The following EMILIN2 variants were observed in gnomAD, a reference collection of about 807,000 sequenced individuals.
EMILIN2 encodes the protein elastin microfibril interfacer 2, also known as EMILIN-2.
In EMILIN2, 71 loss-of-function variants were observed where a neutral mutation model predicts 87.1. The observed-to-expected ratio is 0.82, with a 90% CI of 0.67 to 0.99. The LOEUF (loss-of-function observed/expected upper bound fraction) is 0.99, where lower values mean the gene tolerates loss of function less well. EMILIN2 is among the 50% of genes least tolerant of loss of function. The pLI is 0.00. For synonymous variants in EMILIN2, 581 were observed against 563.4 expected (o/e 1.03, Z -0.44); for missense variants, 1,407 against 1,371.8 (o/e 1.03, Z -0.40).
rs3810066 is a variant in EMILIN2 at position 2,892,203 on chromosome 18, G to T, written c.2076G>T (p.Thr692=). Residue 692 remains threonine (T), a synonymous_variant, in exon 4 of 8, where the codon ACG becomes ACT. Coordinates refer to ENST00000254528, the MANE Select transcript of EMILIN2 (RefSeq NM_032048.3). Reference sequence around the variant, plus strand: ...AGCTGGATGCTTGTAAGGAATGCACGCAGGGGGTCCAGAGGGAGGTCTCCA... The same window carrying T: ...AGCTGGATGCTTGTAAGGAATGCACTCAGGGGGTCCAGAGGGAGGTCTCCA... ...ISELDACKEC[T]QGVQREVSMV... 3.1e-6 allele frequency: 5 copies of T among 1,607,650 alleles called. No homozygotes were observed. In the Admixed American group the frequency reaches 6.7e-5, roughly 22 times the overall value.
chr18:2,846,462 G>T (rs1291161455), upstream of EMILIN2, among the ~76,000 whole-genome samples: 1 of 152,210 alleles, frequency 6.6e-6, no homozygotes, highest in African/African-American at 2.4e-5. This position sits in a 1 kb window ranked among gnomAD's most constrained non-coding sequence, Gnocchi z 5.3. Flanking sequence ...CGCCCCCCGC[G>T]TGGCCTCGGA....
chr18:2,912,431 C>T lies in EMILIN2; in HGVS notation c.2825-636C>T, dbSNP rs555371278. Among the ~76,000 whole-genome samples the T allele has an allele frequency of 3.1e-3, 476 of 152,290 alleles. 2 individuals are homozygous for T. The highest frequency in any genetic ancestry group is 5.0e-3 in the Non-Finnish European group (338 of 68,030). On this transcript the variant is annotated intron_variant, in intron 7 of 7. Transcript: ENST00000254528. ...AAGGTCCGATGTCTGCTGCGGAGCCCGTGAGTGATGGCCATTCCTGCCGGC... is the reference window on the plus strand; with the variant it reads ...AAGGTCCGATGTCTGCTGCGGAGCCTGTGAGTGATGGCCATTCCTGCCGGC...
intron 2 of EMILIN2, among the ~76,000 whole-genome samples, chr18:2,875,065 A>G (rs1176353829): frequency 1.3e-5 from 2 of 152,208 alleles, no homozygotes; most frequent in Non-Finnish European, 2.9e-5. Flanking sequence ...ACCTGGGAAG[A>G]GAAAGCACAG....
At chr18:2,870,289 T>C (rs937551880) in intron 2 of EMILIN2, among the ~76,000 whole-genome samples, 4 of 152,176 alleles carry the variant, frequency 2.6e-5, no homozygotes, top group Non-Finnish European at 4.4e-5. Flanking sequence ...ACATTTCACA[T>C]TTATAGCCCT....
chr18:2,907,642 G>C (rs887082837), intron 5 of EMILIN2, among the ~76,000 whole-genome samples: 4 of 152,184 alleles, frequency 2.6e-5, no homozygotes, highest in African/African-American at 9.7e-5. Flanking sequence ...CATTACTGTC[G>C]TGGTGACAGT....
chr18:2,855,100 C>T (rs28405733), intron 2 of EMILIN2, among the ~76,000 whole-genome samples: 12,101 of 152,256 alleles, frequency 0.079, 1,623 homozygotes, highest in African/African-American at 0.28. Context: ...GAATCCCAGG[C>T]GCCCAGCCCT....
rs182175567 is a variant in EMILIN2, at chr18:2,898,987, C to T, written c.2359+6501C>T. On this transcript the variant is annotated intron_variant, in intron 4 of 7. Transcript: ENST00000254528. ...GCCCTTTGGTTCGTGTAAACCGCAG[C>T]TGCTCTACTGCATCTTAGCCTTGAA... Among the ~76,000 whole-genome samples, 23 of 152,324 alleles carry T rather than the reference C, an allele frequency of 1.5e-4. No individual in the cohort carries two copies. In the East Asian group the frequency reaches 4.4e-3, roughly 29 times the overall value.
At chr18:2,907,452 G>C (rs933359668) in intron 5 of EMILIN2, among the ~76,000 whole-genome samples, 4 of 152,240 alleles carry the variant, frequency 2.6e-5, no homozygotes, top group Non-Finnish European at 5.9e-5. Flanking sequence ...GGCTAGGCAG[G>C]AGGGCTGTCT....
chr18:2,867,883 GTGGT>G lies in EMILIN2; in HGVS notation c.258-17080_258-17077del, dbSNP rs560772007. ...CTGTTGGGTACACCTCCCAGAGTGG[GTGGT>G]GGCCGGGCAGAGGGGCTCCTCACTT... On this transcript the variant is annotated intron_variant, in intron 2 of 7. Coordinates refer to ENST00000254528, the MANE Select transcript of EMILIN2 (RefSeq NM_032048.3). Among the ~76,000 whole-genome samples, 414 of 152,234 alleles carry G rather than the reference GTGGT, an allele frequency of 2.7e-3. 1 individual carries two copies. The highest frequency in any genetic ancestry group is 9.1e-3 in the African/African-American group (380 of 41,540).
chr18:2,846,993 C>A, upstream of EMILIN2: 1 of 1,021,402 alleles, frequency 9.8e-7, no homozygotes, highest in Non-Finnish European at 1.2e-6. This position sits in a 1 kb window ranked among gnomAD's most constrained non-coding sequence, Gnocchi z 5.3. Context: ...AAGCGCAGGG[C>A]GCACGGGGCT....
intron 7 of EMILIN2, among the ~76,000 whole-genome samples, chr18:2,912,313 T>C (rs1024749990): frequency 4.0e-4 from 61 of 152,206 alleles, no homozygotes; most frequent in African/African-American, 1.4e-3. Context: ...AGTGCTGGGA[T>C]TACAGGCGTG....
chr18:2,913,199 GGAGA>G lies in EMILIN2; in HGVS notation c.2961_2964del (p.Arg987SerfsTer27). ...GCCCAGCTGCATACCGCTGGGTACAGGAGAGAGTTCCTGGAATACCACCGCCCTC... is the reference window on the plus strand; with the variant it reads ...GCCCAGCTGCATACCGCTGGGTACAGGAGTTCCTGGAATACCACCGCCCTC... On this transcript the variant is annotated frameshift_variant, in exon 8 of 8. Transcript: ENST00000254528. LOFTEE classifies it high-confidence loss of function. 1 of 1,613,988 alleles carries G rather than the reference GGAGA, an allele frequency of 6.2e-7. No individual in the cohort carries two copies. Among genetic ancestry groups the G allele is most frequent in the Non-Finnish European group, 8.5e-7 (1 of 1,180,022 alleles).
chr18:2,913,653 A>ATGATAC lies in EMILIN2; in HGVS notation c.*249_*250insTGATAC. On this transcript the variant is annotated 3_prime_UTR_variant, in exon 8 of 8. Transcript: ENST00000254528. ...AACTGGACAACTGGAAGACTTGGAA[A>ATGATAC]GGCCTCCACCTGTATCTACACTCTG... 5.8e-5 allele frequency: 22 copies of ATGATAC among 379,294 alleles called. No individual in the cohort carries two copies. Among genetic ancestry groups the ATGATAC allele is most frequent in the South Asian group, 2.0e-4 (4 of 20,440 alleles). The allele number at this position is 379,294 out of a possible 1,614,324, so 23.5% of individuals were successfully genotyped here. A position where few individuals can be genotyped will look rare whatever the true frequency, so the allele number is the denominator to read the frequency against.
chr18:2,876,772 TATATAG>T lies in EMILIN2; in HGVS notation c.258-8186_258-8181del, dbSNP rs773256108. Among the ~76,000 whole-genome samples, 50 of 152,124 alleles carry T rather than the reference TATATAG, an allele frequency of 3.3e-4. 1 individual carries two copies. The highest frequency in any genetic ancestry group is 5.9e-4 in the Non-Finnish European group (40 of 68,022). On this transcript the variant is annotated intron_variant, in intron 2 of 7. Transcript: ENST00000254528. The stretch of plus-strand genomic sequence containing the variant: ...CAGAGTGAGACTCTGTCTCAAAAAA[TATATAG>T]ATATATGTACAAAGCTACATTGTAA...
chr18:2,914,780 CT>C lies in EMILIN2; in HGVS notation c.*1378del, dbSNP rs3833198. 0.63 allele frequency: 95,225 copies of C among 151,948 alleles called. 30,182 individuals carry two copies. The highest frequency in any genetic ancestry group is 0.95 in the East Asian group (4,923 of 5,168). The allele number at this position is 151,948 out of a possible 1,614,324, so 9.4% of individuals were successfully genotyped here. ...GTGGCCACTGGACACTTCAGAGTTC[CT>C]TATTTACTCCCCCCGCCACAGCTAG... On this transcript the variant is annotated 3_prime_UTR_variant, in exon 8 of 8. Coordinates refer to ENST00000254528, the MANE Select transcript of EMILIN2 (RefSeq NM_032048.3).
At chr18:2,849,507 A>C (rs8086535) in intron 2 of EMILIN2, among the ~76,000 whole-genome samples, 5,577 of 152,234 alleles carry the variant, frequency 0.037, 349 homozygotes, top group African/African-American at 0.13. Context: ...GTTCTATTTG[A>C]CCAAAACTCA....
chr18:2,908,229 C>G (rs2076923983), intron 5 of EMILIN2, among the ~76,000 whole-genome samples: 1 of 152,202 alleles, frequency 6.6e-6, no homozygotes, highest in Non-Finnish European at 1.5e-5. Context: ...CATCCACGCA[C>G]CCTTCCGTGC....
chr18:2,910,643 G>T (rs1227797089), intron 7 of EMILIN2, among the ~76,000 whole-genome samples: 2 of 152,170 alleles, frequency 1.3e-5, no homozygotes, highest in African/African-American at 2.4e-5. Flanking sequence ...CTCCTGGAGG[G>T]GGGTGGGGCA....
At chr18:2,846,763 C>A (rs1019269886), upstream of EMILIN2, 2 of 985,272 alleles carry the variant, frequency 2.0e-6, no homozygotes, top group African/African-American at 3.5e-5. The surrounding 1 kb of genome is among the most constrained non-coding windows in gnomAD (Gnocchi z 5.3). Flanking sequence ...CGGAGTCGCT[C>A]GGCATCTGGG....
Sources: gnomAD v4.1 joint callset for allele counts (sites outside exome capture counted in the v4.1 genomes callset) on GRCh38, gnomAD v4.1.1 for gene constraint, Gnocchi (gnomAD v3.1) non-coding constraint, MANE v1.5 for transcripts, NCBI Gene and HGNC (gene_info 2026-07-23, HGNC 2026-07-21) for gene names.